The following NKAIN3 variants were observed in gnomAD, a reference collection of about 807,000 sequenced individuals.
NKAIN3 encodes sodium/potassium-transporting ATPase subunit beta-1-interacting protein 3.
Under a neutral mutation model 30.2 loss-of-function variants are expected in NKAIN3, and 25 were observed. The ratio of observed to expected loss-of-function variants is 0.83; its 90% CI spans 0.60 to 1.16. NKAIN3 has a LOEUF of 1.16. NKAIN3 is among the 50% of genes most tolerant of loss of function. The probability of loss-of-function intolerance (pLI) is 0.00; values close to 1 mark genes in which losing one functional copy is unlikely to be tolerated. For missense variants in NKAIN3, 225 were observed against 254.1 expected, an observed-to-expected ratio of 0.89 and a Z score of 0.78; for synonymous variants, 91 against 89.6, an observed-to-expected ratio of 1.02 and a Z score of -0.09.
chr8:62,882,953 C>T (rs1821031502), intron 4 of NKAIN3, among the ~76,000 whole-genome samples: 1 of 152,126 alleles, frequency 6.6e-6, no homozygotes, highest in South Asian at 2.1e-4. Flanking sequence ...TACTGTATTA[C>T]TTTATTACTA....
chr8:62,557,333 T>C (rs1302659517), intron 1 of NKAIN3, among the ~76,000 whole-genome samples: 1 of 152,138 alleles, frequency 6.6e-6, no homozygotes, highest in Non-Finnish European at 1.5e-5. Flanking sequence ...GGTTCTACAT[T>C]GTTGCAGTTG....
chr8:62,920,036 C>T lies in NKAIN3; in HGVS notation c.532+1523C>T, dbSNP rs185454038. On this transcript the variant is annotated intron_variant, in intron 5 of 6. Coordinates refer to ENST00000623646, the MANE Select transcript of NKAIN3 (RefSeq NM_001304533.3). ...ATTTTTAGGAGTTTTATTAGTAGTT[C>T]TACAACCTGATGGAGTTAATATACA... Among the ~76,000 whole-genome samples the T allele has an allele frequency of 2.0e-5, 3 of 151,650 alleles. No homozygotes were observed. The East Asian group carries it at 5.8e-4, about 30-fold the overall frequency.
In NKAIN3 at chr8:62,503,477, C is replaced by T. The variant is rs561315867; in HGVS notation, c.55-76062C>T. Among the ~76,000 whole-genome samples the T allele has an allele frequency of 3.2e-4, 48 of 152,200 alleles. No homozygotes were observed. In the South Asian group the frequency reaches 5.0e-3, roughly 16 times the overall value. On this transcript the variant is annotated intron_variant, in intron 1 of 6. Transcript: ENST00000623646. ...AAACATCTTAACAGAAAACAGGGTT[C>T]GAGAGCAGAGAACTGGTCTGACCTC...
At chr8:62,680,596 G>A (rs1371961996) in intron 3 of NKAIN3, among the ~76,000 whole-genome samples, 1 of 152,092 alleles carries the variant, frequency 6.6e-6, no homozygotes, top group Non-Finnish European at 1.5e-5. Context: ...GGACAAAAGT[G>A]ACTTCATTAT....
chr8:62,626,378 A>G (rs770212737), intron 3 of NKAIN3, among the ~76,000 whole-genome samples: 2 of 152,168 alleles, frequency 1.3e-5, no homozygotes, highest in African/African-American at 2.4e-5. Flanking sequence ...TGAAGAATCC[A>G]GAGATCATTC....
chr8:62,386,148 A>G (rs1419840120), intron 1 of NKAIN3, among the ~76,000 whole-genome samples: 1 of 152,202 alleles, frequency 6.6e-6, no homozygotes, highest in African/African-American at 2.4e-5. Context: ...AAAGAGAGTC[A>G]CTTGGACAAC....
At chr8:62,939,690 A>T (rs1482636046) in intron 5 of NKAIN3, among the ~76,000 whole-genome samples, 5 of 152,216 alleles carry the variant, frequency 3.3e-5, no homozygotes, top group Admixed American at 1.3e-4. Context: ...TAGTCTTTTC[A>T]GACAAAAAAA....
intron 3 of NKAIN3, among the ~76,000 whole-genome samples, chr8:62,631,596 T>A (rs1811961194): frequency 6.6e-6 from 1 of 152,114 alleles, no homozygotes; most frequent in Admixed American, 6.5e-5. Context: ...CTTGCTAAAT[T>A]TTCACTTCTC....
rs145315752 is a variant in NKAIN3, at chr8:62,638,165, T to G, written c.273+48371T>G. On this transcript the variant is annotated intron_variant, in intron 3 of 6. Coordinates refer to ENST00000623646, the MANE Select transcript of NKAIN3 (RefSeq NM_001304533.3). ...GCAAAGAAAGTGAATGATTGGCTCA[T>G]GCTAATAAGGTTTGCAAGCTCCTCA... 2.5e-3 allele frequency among the ~76,000 whole-genome samples: 376 copies of G among 152,292 alleles called. 3 individuals carry two copies. Among genetic ancestry groups the G allele is most frequent in the African/African-American group, 8.9e-3 (368 of 41,566 alleles).
chr8:62,298,047 A>G (rs1398017193), intron 1 of NKAIN3, among the ~76,000 whole-genome samples: 1 of 151,960 alleles, frequency 6.6e-6, no homozygotes, highest in Non-Finnish European at 1.5e-5. Context: ...ATTGGAAATC[A>G]TCATTCTCAG....
At chr8:62,502,107 A>G (rs773290648) in intron 1 of NKAIN3, among the ~76,000 whole-genome samples, 2 of 152,218 alleles carry the variant, frequency 1.3e-5, no homozygotes, top group Non-Finnish European at 2.9e-5. Context: ...CACTGTTGCT[A>G]TATAATTTGC....
intron 4 of NKAIN3, among the ~76,000 whole-genome samples, chr8:62,748,783 T>A (rs991380455): frequency 6.6e-6 from 1 of 152,164 alleles, no homozygotes; most frequent in Non-Finnish European, 1.5e-5. Flanking sequence ...TGGGAAGGAA[T>A]TTCTTTTCAG....
chr8:62,853,023 CTT>C (rs1819956146), intron 4 of NKAIN3, among the ~76,000 whole-genome samples: 1 of 152,120 alleles, frequency 6.6e-6, no homozygotes, highest in African/African-American at 2.4e-5. Context: ...AACATTCTGT[CTT>C]GTTGACCTGT....
chr8:62,253,025 C>T lies in NKAIN3; in HGVS notation c.54+3898C>T, dbSNP rs112596109. ...ACAGAGCTTTAGACATCTTCCCAAC[C>T]TCACAGAGGTCGGACTCTGGCAAGT... On this transcript the variant is annotated intron_variant, in intron 1 of 6. Coordinates refer to ENST00000623646, the MANE Select transcript of NKAIN3 (RefSeq NM_001304533.3). Among the ~76,000 whole-genome samples, 750 of 152,298 alleles carry T rather than the reference C, an allele frequency of 4.9e-3. 8 individuals carry two copies. Among genetic ancestry groups the T allele is most frequent in the African/African-American group, 0.017 (721 of 41,562 alleles).
chr8:62,886,384 G>A (rs958769145), intron 4 of NKAIN3, among the ~76,000 whole-genome samples: 1 of 151,724 alleles, frequency 6.6e-6, no homozygotes, highest in African/African-American at 2.4e-5. Flanking sequence ...TTATGAATAA[G>A]CTATTGTCTA....
chr8:62,486,743 C>G (rs1806916199), intron 1 of NKAIN3, among the ~76,000 whole-genome samples: 1 of 152,208 alleles, frequency 6.6e-6, no homozygotes, highest in African/African-American at 2.4e-5. Context: ...TCCTGCCATT[C>G]TTACTACCAT....
intron 1 of NKAIN3, among the ~76,000 whole-genome samples, chr8:62,458,907 C>T (rs1044154799): frequency 3.9e-5 from 6 of 152,108 alleles, no homozygotes; most frequent in African/African-American, 1.4e-4. Context: ...CAAGTAAAAT[C>T]GAAATTCTTT....
At chr8:62,681,578 G>A (rs577269895) in intron 3 of NKAIN3, among the ~76,000 whole-genome samples, 5 of 152,266 alleles carry the variant, frequency 3.3e-5, no homozygotes, top group Non-Finnish European at 7.4e-5. Flanking sequence ...GATTCAAAGT[G>A]ATTAAGTGGG....
In NKAIN3 at chr8:62,560,531, C is replaced by CTTTTTTTTTTTTTTTTTT. The variant is rs869256384; in HGVS notation, c.55-19000_55-18983dup. Among the ~76,000 whole-genome samples, 10 of 45,364 alleles carry CTTTTTTTTTTTTTTTTTT rather than the reference C, an allele frequency of 2.2e-4. 2 individuals carry two copies. The highest frequency in any genetic ancestry group is 3.7e-4 in the Non-Finnish European group (10 of 27,028). 29.8% of individuals were successfully genotyped at this position (45,364 alleles called of 152,430 possible). A position where few individuals can be genotyped will look rare whatever the true frequency, so the allele number is the denominator to read the frequency against. On this transcript the variant is annotated intron_variant, in intron 1 of 6. Coordinates refer to ENST00000623646, the MANE Select transcript of NKAIN3 (RefSeq NM_001304533.3). ...CAGTTCACTGAATCTTTTTTCTTTT[C>CTTTTTTTTTTTTTTTTTT]TTTTTTTTTTTTTTTTTTTTTTTTT... is the stretch of plus-strand genomic sequence containing the variant.
Sources: allele counts gnomAD v4.1 joint callset (sites outside exome capture counted in the v4.1 genomes callset), GRCh38; gene constraint gnomAD v4.1.1; transcripts MANE v1.5; gene names NCBI Gene and HGNC (gene_info 2026-07-23, HGNC 2026-07-21).